Variants in ACOXL observed in about 807,000 individuals in gnomAD.
ACOXL encodes acyl-coenzyme A oxidase-like protein.
A neutral mutation model predicts 71.9 loss-of-function variants in ACOXL; 70 were observed. That is an observed-to-expected ratio of 0.97 (90% CI 0.80 to 1.19). The LOEUF (loss-of-function observed/expected upper bound fraction) is 1.19. Among genes scored for constraint, ACOXL ranks in the 50% most tolerant of loss-of-function variants. ACOXL has a pLI of 0.00. For missense variants in ACOXL, 703 were observed against 736.3 expected (o/e 0.95, Z 0.52); for synonymous variants, 253 against 281.6 (o/e 0.90, Z 1.02).
At chr2:110,876,870 G>A (rs1450333916) in intron 10 of ACOXL, among the ~76,000 whole-genome samples, 1 of 152,164 alleles carries the variant, frequency 6.6e-6, no homozygotes, top group Non-Finnish European at 1.5e-5. Flanking sequence ...TCACCTTTGT[G>A]GAGCTGACAG....
chr2:110,948,979 C>T (rs895816807), intron 12 of ACOXL, among the ~76,000 whole-genome samples: 2 of 151,646 alleles, frequency 1.3e-5, no homozygotes, highest in Non-Finnish European at 2.9e-5. Context: ...CACTACAGAC[C>T]AGTAGGTCAG....
chr2:111,097,474 C>T (rs2068868438), intron 17 of ACOXL, among the ~76,000 whole-genome samples: 1 of 152,220 alleles, frequency 6.6e-6, no homozygotes, highest in South Asian at 2.1e-4. Flanking sequence ...ACAACAACCA[C>T]ATCCAGCACC....
intron 1 of ACOXL, among the ~76,000 whole-genome samples, chr2:110,743,025 A>G (rs1259082352): frequency 1.3e-5 from 2 of 152,230 alleles, no homozygotes; most frequent in African/African-American, 2.4e-5. Flanking sequence ...TCATCACCCC[A>G]GAAAAACACA....
intron 12 of ACOXL, among the ~76,000 whole-genome samples, chr2:110,956,755 A>T (rs1198097886): frequency 2.0e-5 from 3 of 152,220 alleles, no homozygotes; most frequent in Non-Finnish European, 4.4e-5. Flanking sequence ...ATTTGTTCTG[A>T]TACCTTTATT....
intron 14 of ACOXL, among the ~76,000 whole-genome samples, chr2:111,017,135 T>A (rs995638656): frequency 2.6e-5 from 4 of 152,236 alleles, no homozygotes; most frequent in Non-Finnish European, 4.4e-5. Flanking sequence ...TTTCTTGAAG[T>A]TCCCCCCTGA....
chr2:110,870,831 G>C (rs530914184), intron 10 of ACOXL, among the ~76,000 whole-genome samples: 124 of 152,264 alleles, frequency 8.1e-4, no homozygotes, highest in African/African-American at 2.9e-3. Flanking sequence ...TGGAAATGGT[G>C]GGGGGAGGAA....
intron 10 of ACOXL, among the ~76,000 whole-genome samples, chr2:110,866,588 G>T (rs916162980): frequency 6.6e-6 from 1 of 152,124 alleles, no homozygotes; most frequent in Non-Finnish European, 1.5e-5. Context: ...TTTGGAAGAG[G>T]GGAAATACAG....
intron 17 of ACOXL, among the ~76,000 whole-genome samples, chr2:111,111,457 G>T (rs911853826): frequency 3.9e-5 from 6 of 152,148 alleles, no homozygotes; most frequent in African/African-American, 1.4e-4. Context: ...CTACCTAATT[G>T]AATATTCTTT....
chr2:111,055,280 C>A (rs2066479495), intron 16 of ACOXL, among the ~76,000 whole-genome samples: 1 of 152,216 alleles, frequency 6.6e-6, no homozygotes, highest in Non-Finnish European at 1.5e-5. Context: ...ACTGTCCCCA[C>A]CTCACAGGCG....
At chr2:110,850,544 A>G (rs1692479739) in intron 10 of ACOXL, among the ~76,000 whole-genome samples, 1 of 152,234 alleles carries the variant, frequency 6.6e-6, no homozygotes, top group Non-Finnish European at 1.5e-5. Context: ...GGAAATGCAA[A>G]TTAAGGTAGA....
At chr2:110,811,296 C>T (rs1467865775) in intron 9 of ACOXL, among the ~76,000 whole-genome samples, 1 of 152,166 alleles carries the variant, frequency 6.6e-6, no homozygotes, top group East Asian at 1.9e-4. Flanking sequence ...TAAGGAGTGT[C>T]TCTGTAGGTC....
intron 10 of ACOXL, among the ~76,000 whole-genome samples, chr2:110,860,464 T>A (rs1693806788): frequency 6.6e-6 from 1 of 152,072 alleles, no homozygotes; most frequent in South Asian, 2.1e-4. Context: ...AGGAAAAGGC[T>A]CCACCGCAGC....
intron 17 of ACOXL, among the ~76,000 whole-genome samples, chr2:111,112,703 G>A (rs544138645): frequency 2.0e-4 from 30 of 152,332 alleles, no homozygotes; most frequent in Middle Eastern, 3.4e-3. Flanking sequence ...GCCAGTCCAT[G>A]TGCTGCTCTT....
intron 10 of ACOXL, among the ~76,000 whole-genome samples, chr2:110,873,292 G>T (rs980231410): frequency 5.9e-5 from 9 of 152,062 alleles, no homozygotes; most frequent in Non-Finnish European, 1.3e-4. Flanking sequence ...TTTGATGCCT[G>T]GGAGTCCAGT....
chr2:110,974,430 A>T (rs888016076), intron 12 of ACOXL, among the ~76,000 whole-genome samples: 2 of 152,158 alleles, frequency 1.3e-5, no homozygotes, highest in African/African-American at 4.8e-5. Flanking sequence ...GCCAGGGCAG[A>T]GGTTGTAGCC....
chr2:110,801,877 C>A (rs1050928806), intron 8 of ACOXL, among the ~76,000 whole-genome samples, 153 bp downstream of exon 8: 1 of 152,154 alleles, frequency 6.6e-6, no homozygotes, highest in Non-Finnish European at 1.5e-5. Flanking sequence ...GGAAAAGATA[C>A]GTCTGCAGAT....
intron 9 of ACOXL, among the ~76,000 whole-genome samples, chr2:110,822,126 G>A (rs1202200607): frequency 1.3e-5 from 2 of 152,178 alleles, no homozygotes; most frequent in African/African-American, 4.8e-5. Context: ...GAAGATTAGG[G>A]TGCTAGGTGT....
intron 10 of ACOXL, among the ~76,000 whole-genome samples, chr2:110,854,876 C>T (rs1693051086): frequency 6.6e-6 from 1 of 152,232 alleles, no homozygotes; most frequent in African/African-American, 2.4e-5. Context: ...AGCACCCCAC[C>T]TCCACCTTCC....
At chr2:110,996,971 T>C (rs6760171) in intron 14 of ACOXL, among the ~76,000 whole-genome samples, 81,050 of 152,004 alleles carry the variant, frequency 0.53, 21,774 homozygotes, top group East Asian at 0.67. Context: ...CCCCCAGGCG[T>C]AGATCTGAGG....
Sources: allele counts gnomAD v4.1 joint callset (sites outside exome capture counted in the v4.1 genomes callset), GRCh38; gene constraint gnomAD v4.1.1; transcripts MANE v1.5; gene names NCBI Gene and HGNC (gene_info 2026-07-23, HGNC 2026-07-21).